ASCC3: variants seen among roughly 807,000 people sequenced by gnomAD.
ASCC3 encodes activating signal cointegrator 1 complex subunit 3, also known as ASC-1 complex subunit P200.
ASCC3 carries 158 observed loss-of-function variants against 256.3 expected under a neutral mutation model. The observed-to-expected ratio is 0.62, with a 90% confidence interval of 0.54 to 0.70. The LOEUF (loss-of-function observed/expected upper bound fraction) is 0.70, where lower values mean the gene tolerates loss of function less well. Ranked by LOEUF, ASCC3 falls within the 30% of genes least tolerant of loss-of-function variation. The probability of loss-of-function intolerance (pLI) is 0.00; values close to 1 mark genes in which losing one functional copy is unlikely to be tolerated. For missense variants in ASCC3, 2,259 were observed against 2,626.0 expected (o/e 0.86, Z 3.05); for synonymous variants, 948 against 883.4 (o/e 1.07, Z -1.30).
chr6:100,862,187 C>T (rs1384142555), intron 3 of ASCC3, among the ~76,000 whole-genome samples: 1 of 152,162 alleles, frequency 6.6e-6, no homozygotes, highest in Non-Finnish European at 1.5e-5. Context: ...CAACCTGCCT[C>T]TGTATTCTTA....
chr6:100,694,729 A>T (rs183566), intron 13 of ASCC3, among the ~76,000 whole-genome samples: 78,662 of 151,934 alleles, frequency 0.52, 20,486 homozygotes, highest in Middle Eastern at 0.62. Flanking sequence ...ATAGTGATAG[A>T]TTGTAACACT....
At chr6:100,715,659 A>T in intron 12 of ASCC3, 126 bp from the exon 13 acceptor site, 2 of 690,804 alleles carry the variant, frequency 2.9e-6, no homozygotes, top group Non-Finnish European at 5.1e-6. Context: ...CAGAGGTATC[A>T]AATACCTCAT....
In ASCC3 at chr6:100,522,928, G is replaced by A. The variant is rs147361389; in HGVS notation, c.5776-4786C>T. Among the ~76,000 whole-genome samples, 35 of 149,370 alleles carry A rather than the reference G, an allele frequency of 2.3e-4. 1 individual carries two copies. Among genetic ancestry groups the A allele is most frequent in the African/African-American group, 8.7e-4 (35 of 40,448 alleles). ...TACAGTATATTGCCTATGAAGTTCA[G>A]GATGAGGGGGAAGGTGTGTAGACTT... On this transcript the variant is annotated intron_variant, in intron 37 of 41. Coordinates refer to ENST00000369162, the MANE Select transcript of ASCC3 (RefSeq NM_006828.4).
chr6:100,560,959 A>T (rs1042998138), intron 36 of ASCC3, among the ~76,000 whole-genome samples: 3 of 152,074 alleles, frequency 2.0e-5, no homozygotes, highest in Non-Finnish European at 2.9e-5. Context: ...CTGATTCACC[A>T]GACATTAAAC....
At position 100,666,716 on chromosome 6, in the gene ASCC3, A is replaced by G. The variant is rs1038854077; in HGVS notation, c.2287-4180T>C. On this transcript the variant is annotated intron_variant, in intron 14 of 41. Coordinates refer to ENST00000369162, the MANE Select transcript of ASCC3 (RefSeq NM_006828.4). ...AATGATGTTTTTATCCACCTGTGTT[A>G]TAATACAGCTGTACAATTTGACCTC... is the stretch of plus-strand genomic sequence containing the variant. Among the ~76,000 whole-genome samples, 3 of 152,168 alleles carry G rather than the reference A, an allele frequency of 2.0e-5. No individual in the cohort carries two copies. The East Asian group carries it at 5.8e-4, about 29-fold the overall frequency.
intron 10 of ASCC3, among the ~76,000 whole-genome samples, chr6:100,728,268 CAGAT>C (rs1198291889): frequency 6.6e-6 from 1 of 151,634 alleles, no homozygotes; most frequent in Non-Finnish European, 1.5e-5. Context: ...GAGTGAGAGA[CAGAT>C]AGACAGAGAG....
At chr6:100,764,293 C>T (rs2115124351) in intron 10 of ASCC3, among the ~76,000 whole-genome samples, 1 of 152,108 alleles carries the variant, frequency 6.6e-6, no homozygotes, top group Middle Eastern at 3.4e-3. Context: ...GAAGTAAATA[C>T]AGAATTTGAA....
chr6:100,809,571 G>C (rs1193982493), intron 4 of ASCC3, among the ~76,000 whole-genome samples: 1 of 152,010 alleles, frequency 6.6e-6, no homozygotes, highest in African/African-American at 2.4e-5. Context: ...GAGTTTCTCA[G>C]TTTTAGTTTC....
At chr6:100,616,981 TTTGTTGTTGTCG>T (rs971493370) in intron 30 of ASCC3, among the ~76,000 whole-genome samples, 4 of 151,730 alleles carry the variant, frequency 2.6e-5, no homozygotes, top group Non-Finnish European at 5.9e-5. Context: ...TTCTGAACTT[TTTGTTGTTGTCG>T]TTGTTGTTGT....
intron 10 of ASCC3, among the ~76,000 whole-genome samples, chr6:100,736,994 A>G (rs980079466): frequency 6.6e-6 from 1 of 152,060 alleles, no homozygotes; most frequent in Non-Finnish European, 1.5e-5. Flanking sequence ...CTAAAATACA[A>G]AAACTTAGCC....
rs1562368143 is a variant in ASCC3, at chr6:100,881,297, A to AGACGCAC, written c.-279_-278insGTGCGTC. On this transcript the variant is annotated 5_prime_UTR_variant, in exon 1 of 42. Transcript: ENST00000369162. Reference sequence around the variant, plus strand: ...ACCATCAGTCAGACAGACAGACGCAAAGACGCACAGACCCGGCGAGGAGGG... The same window carrying AGACGCAC: ...ACCATCAGTCAGACAGACAGACGCAAGACGCACAGACGCACAGACCCGGCGAGGAGGG... 0.013 allele frequency: 1,956 copies of AGACGCAC among 152,206 alleles called. 103 individuals are homozygous for AGACGCAC. The East Asian group carries it at 0.15, about 12-fold the overall frequency. 9.4% of individuals were successfully genotyped at this position (152,206 alleles called of 1,614,324 possible). A position where few individuals can be genotyped will look rare whatever the true frequency, so the allele number is the denominator to read the frequency against.
intron 36 of ASCC3, among the ~76,000 whole-genome samples, chr6:100,543,891 A>C (rs1582420391): frequency 6.6e-6 from 1 of 152,252 alleles, no homozygotes; most frequent in East Asian, 1.9e-4. Flanking sequence ...CAACGCAATA[A>C]GAGTTGAATA....
rs564667752 is a variant in ASCC3 at position 100,781,030 on chromosome 6, T to C, written c.1396-13685A>G. Among the ~76,000 whole-genome samples, 32 of 152,314 alleles carry C rather than the reference T, an allele frequency of 2.1e-4. 1 individual carries two copies. Among genetic ancestry groups the C allele is most frequent in the African/African-American group, 7.5e-4 (31 of 41,588 alleles). On this transcript the variant is annotated intron_variant, in intron 8 of 41. Transcript: ENST00000369162. Reference sequence around the variant, plus strand: ...TACTATGAGGCAGAAATTATGATTTTCAACTTCATCTCTCTAATTCCTAGC... The same window carrying C: ...TACTATGAGGCAGAAATTATGATTTCCAACTTCATCTCTCTAATTCCTAGC...
intron 4 of ASCC3, among the ~76,000 whole-genome samples, chr6:100,821,246 C>A (rs1188419760): frequency 6.6e-6 from 1 of 152,050 alleles, no homozygotes; most frequent in Non-Finnish European, 1.5e-5. Flanking sequence ...AAACTCCTGG[C>A]CTCAAGCAAC....
intron 37 of ASCC3, chr6:100,530,558 A>C (rs1051157991): frequency 3.8e-6 from 3 of 784,662 alleles, no homozygotes; most frequent in Non-Finnish European, 7.1e-6. Flanking sequence ...ATGGCCTGGC[A>C]CTCAATCCAG....
At position 100,628,900 on chromosome 6, in the gene ASCC3, A is replaced by C. The variant is rs975453640; in HGVS notation, c.4375+115T>G. 3 of 1,002,214 alleles carry C rather than the reference A, an allele frequency of 3.0e-6. No individual in the cohort carries two copies. The African/African-American group carries it at 4.9e-5, about 16-fold the overall frequency. The allele number at this position is 1,002,214 out of a possible 1,614,324, so 62.1% of individuals were successfully genotyped here. On this transcript the variant is annotated intron_variant, in intron 27 of 41. Transcript: ENST00000369162. ...CCACATTATATACATACATCAAAAA[A>C]TCACATTGTGCCCTAGAAATATATA...
At chr6:100,800,168 C>T in intron 6 of ASCC3, 132 bp downstream of exon 6, 1 of 949,010 alleles carries the variant, frequency 1.1e-6, no homozygotes, top group Non-Finnish European at 1.6e-6. Flanking sequence ...ATTCATAAAA[C>T]AAACTTCTAT....
intron 36 of ASCC3, among the ~76,000 whole-genome samples, chr6:100,543,585 T>G (rs1231565121): frequency 6.6e-6 from 1 of 152,042 alleles, no homozygotes; most frequent in Non-Finnish European, 1.5e-5. Flanking sequence ...AAAGTACATT[T>G]CAGAGCAAAG....
intron 13 of ASCC3, among the ~76,000 whole-genome samples, chr6:100,712,011 AAGGAGTGAATAT>A (rs1248738383): frequency 2.0e-5 from 3 of 152,230 alleles, no homozygotes; most frequent in Non-Finnish European, 2.9e-5. Context: ...ACTAAGGAAC[AAGGAGTGAATAT>A]AGTCTTTCAA....
Sources: gnomAD v4.1 joint callset for allele counts (sites outside exome capture counted in the v4.1 genomes callset) on GRCh38, gnomAD v4.1.1 for gene constraint, MANE v1.5 for transcripts, NCBI Gene and HGNC (gene_info 2026-07-23, HGNC 2026-07-21) for gene names.